Variants in DAPP1 observed in about 807,000 individuals in gnomAD.
DAPP1 encodes the protein dual adapter for phosphotyrosine and 3-phosphotyrosine and 3-phosphoinositide.
A neutral mutation model predicts 41.5 loss-of-function variants in DAPP1; 20 were observed. The ratio of observed to expected loss-of-function variants is 0.48; its 90% CI spans 0.34 to 0.70. The LOEUF (loss-of-function observed/expected upper bound fraction) is 0.70. Ranked by LOEUF, DAPP1 falls within the 30% of genes least tolerant of loss-of-function variation. The pLI is 0.01. For missense variants in DAPP1, 233 were observed against 333.4 expected, an observed-to-expected ratio of 0.70 and a Z score of 2.35; for synonymous variants, 113 against 116.2, an observed-to-expected ratio of 0.97 and a Z score of 0.18.
At chr4:99,827,740 T>C (rs532256375) in intron 1 of DAPP1, among the ~76,000 whole-genome samples, 1 of 152,156 alleles carries the variant, frequency 6.6e-6, no homozygotes, top group South Asian at 2.1e-4. Context: ...CTGCTTTGTT[T>C]TGCAGGTCAG....
intron 1 of DAPP1, among the ~76,000 whole-genome samples, chr4:99,826,781 C>G (rs1722951551): frequency 6.6e-6 from 1 of 152,234 alleles, no homozygotes; most frequent in Non-Finnish European, 1.5e-5. Flanking sequence ...CCTAATGAAT[C>G]CTATATTCAT....
intron 1 of DAPP1, among the ~76,000 whole-genome samples, chr4:99,822,175 A>G (rs1340114824): frequency 6.6e-6 from 1 of 152,124 alleles, no homozygotes. Context: ...TGTTCCTCCA[A>G]AGGGTGACTT....
At position 99,827,482 on chromosome 4, in the gene DAPP1, G is replaced by A. The variant is rs971491178; in HGVS notation, c.102-8141G>A. 2.6e-5 allele frequency among the ~76,000 whole-genome samples: 4 copies of A among 150,982 alleles called. No individual in the cohort carries two copies. The East Asian group carries it at 5.8e-4, about 22-fold the overall frequency. On this transcript the variant is annotated intron_variant, in intron 1 of 8. Coordinates refer to ENST00000512369, the MANE Select transcript of DAPP1 (RefSeq NM_014395.3). ...CGGGAGGCAGAGCTTGCAGTGAGCC[G>A]AGATCGAGCCACTGCACTCCAGCCT...
intron 7 of DAPP1, among the ~76,000 whole-genome samples, chr4:99,864,469 C>T (rs910318104): frequency 6.6e-6 from 1 of 151,978 alleles, no homozygotes; most frequent in Non-Finnish European, 1.5e-5. Context: ...GACATCATGG[C>T]ACTTTATTCC....
chr4:99,820,373 T>C (rs942715585), intron 1 of DAPP1, among the ~76,000 whole-genome samples: 10 of 151,564 alleles, frequency 6.6e-5, no homozygotes, highest in African/African-American at 2.4e-4. Context: ...TACTATACTA[T>C]TTCTACATAT....
chr4:99,849,235 G>A (rs956226483), intron 3 of DAPP1, among the ~76,000 whole-genome samples: 3 of 152,160 alleles, frequency 2.0e-5, no homozygotes, highest in Admixed American at 6.5e-5. Context: ...TTTCAAAATA[G>A]AATTTGGGTT....
intron 5 of DAPP1, among the ~76,000 whole-genome samples, chr4:99,862,211 A>G (rs2851036): frequency 1 from 152,020 of 152,314 alleles, 75,872 homozygotes; most frequent in Middle Eastern, 1. Context: ...ACAGACACTG[A>G]CATGCTTGGA....
At chr4:99,822,906 T>C (rs964568181) in intron 1 of DAPP1, among the ~76,000 whole-genome samples, 2 of 152,214 alleles carry the variant, frequency 1.3e-5, no homozygotes, top group Non-Finnish European at 2.9e-5. Flanking sequence ...CTGGGCCTTA[T>C]CAGTGTTCGC....
At chr4:99,857,456 C>T (rs1724083061) in intron 4 of DAPP1, among the ~76,000 whole-genome samples, 2 of 152,030 alleles carry the variant, frequency 1.3e-5, no homozygotes, top group East Asian at 1.9e-4. Flanking sequence ...CTTAGCTTCC[C>T]TTTTGTGGTA....
chr4:99,826,818 C>A (rs1235242596), intron 1 of DAPP1, among the ~76,000 whole-genome samples: 1 of 152,180 alleles, frequency 6.6e-6, no homozygotes, highest in Non-Finnish European at 1.5e-5. Flanking sequence ...TATCATTCTC[C>A]CGCTCCATGA....
intron 3 of DAPP1, chr4:99,844,324 G>A (rs944212452): frequency 3.3e-5 from 5 of 152,276 alleles, no homozygotes; most frequent in African/African-American, 1.2e-4. Context: ...GCCGGTTGGA[G>A]TTTTTCTGTC....
intron 4 of DAPP1, among the ~76,000 whole-genome samples, chr4:99,855,200 T>C (rs1724003765): frequency 6.6e-6 from 1 of 152,192 alleles, no homozygotes; most frequent in African/African-American, 2.4e-5. Context: ...CATAATTTCC[T>C]CTTTACCCAC....
intron 1 of DAPP1, among the ~76,000 whole-genome samples, chr4:99,827,524 C>A (rs1722973391): frequency 7.4e-6 from 1 of 134,378 alleles, no homozygotes; most frequent in Non-Finnish European, 1.6e-5. Flanking sequence ...CAGAGTCAGA[C>A]TACGTCTCAA....
At chr4:99,839,947 A>G (rs1166692295) in intron 2 of DAPP1, among the ~76,000 whole-genome samples, 1 of 152,214 alleles carries the variant, frequency 6.6e-6, no homozygotes, top group Non-Finnish European at 1.5e-5. Flanking sequence ...CTATAATCCC[A>G]GATACTCAGG....
At chr4:99,861,759 T>C (rs1724246828) in intron 5 of DAPP1, 134 bp downstream of exon 5, 1 of 1,049,944 alleles carries the variant, frequency 9.5e-7, no homozygotes, top group Admixed American at 2.4e-5. Context: ...AATATTCACC[T>C]GACTCAAGAG....
downstream of DAPP1, among the ~76,000 whole-genome samples, chr4:99,872,118 C>T (rs1385449449): frequency 6.6e-6 from 1 of 152,208 alleles, no homozygotes; most frequent in African/African-American, 2.4e-5. Flanking sequence ...CCAGAAATAT[C>T]TGGGAGGCAT....
intron 3 of DAPP1, among the ~76,000 whole-genome samples, chr4:99,846,410 C>T (rs1723665841): frequency 1.3e-5 from 2 of 152,136 alleles, no homozygotes; most frequent in Admixed American, 1.3e-4. Flanking sequence ...GTTTCATCAT[C>T]TTATGAAACT....
At chr4:99,833,914 A>G (rs1200223456) in intron 1 of DAPP1, among the ~76,000 whole-genome samples, 1 of 152,214 alleles carries the variant, frequency 6.6e-6, no homozygotes, top group Non-Finnish European at 1.5e-5. Context: ...CATCTCATCC[A>G]TGTTAATGTG....
chr4:99,833,480 G>C (rs79586217), intron 1 of DAPP1, among the ~76,000 whole-genome samples: 1,747 of 152,216 alleles, frequency 0.011, 41 homozygotes, highest in African/African-American at 0.039. Flanking sequence ...GGTGCACTTA[G>C]GTTTACTCTT....
Sources: allele counts gnomAD v4.1 joint callset (sites outside exome capture counted in the v4.1 genomes callset), GRCh38; gene constraint gnomAD v4.1.1; transcripts MANE v1.5; gene names NCBI Gene and HGNC (gene_info 2026-07-23, HGNC 2026-07-21).